PAX8: variants seen among roughly 807,000 people sequenced by gnomAD.
PAX8 encodes paired box 8.
PAX8 carries 15 observed loss-of-function variants against 52.4 expected under a neutral mutation model. The ratio of observed to expected loss-of-function variants is 0.29; its 90% CI spans 0.19 to 0.44. The LOEUF (loss-of-function observed/expected upper bound fraction) is 0.44, where lower values mean the gene tolerates loss of function less well. Among genes scored for constraint, PAX8 ranks in the 20% least tolerant of loss-of-function variants. PAX8 has a pLI of 1.00. For synonymous variants in PAX8, 284 were observed against 249.7 expected (o/e 1.14, Z -1.29); for missense variants, 554 against 602.5 (o/e 0.92, Z 0.84).
chr2:113,235,227 C>A (rs866301416), intron 9 of PAX8, 167 bp downstream of exon 9: 2 of 603,342 alleles, frequency 3.3e-6, no homozygotes, highest in Non-Finnish European at 2.9e-6. Flanking sequence ...ATGTCTTCCC[C>A]GTCACAGAGA....
rs531220895 is a variant in PAX8 at position 113,236,362 on chromosome 2, C to T, written c.898+239G>A. 36 of 308,000 alleles carry T rather than the reference C, an allele frequency of 1.2e-4. 1 individual carries two copies. The highest frequency in any genetic ancestry group is 1.2e-4 in the Admixed American group (2 of 16,390). 19.1% of individuals were successfully genotyped at this position (308,000 alleles called of 1,614,324 possible). A position where few individuals can be genotyped will look rare whatever the true frequency, so the allele number is the denominator to read the frequency against. ...CCCACCTTGAGGCCCGGCCTAGGAC[C>T]GGAGGCGCGACCCCTGGGCCCACCT... is the stretch of plus-strand genomic sequence containing the variant. On this transcript the variant is annotated intron_variant, in intron 8 of 11. Coordinates refer to ENST00000429538, the MANE Select transcript of PAX8 (RefSeq NM_003466.4).
At chr2:113,256,840 T>C (rs1174754090) in intron 2 of PAX8, among the ~76,000 whole-genome samples, 2 of 152,156 alleles carry the variant, frequency 1.3e-5, no homozygotes. Context: ...TTTCTGTCAC[T>C]TCTTTCTGTC....
intron 2 of PAX8, among the ~76,000 whole-genome samples, chr2:113,258,042 C>T (rs765079569): frequency 3.3e-5 from 5 of 152,186 alleles, no homozygotes; most frequent in Middle Eastern, 3.2e-3. Flanking sequence ...CACCCACCTC[C>T]GGCGCCACCC....
At chr2:113,254,264 T>C (rs1028196109) in intron 2 of PAX8, among the ~76,000 whole-genome samples, 3 of 152,270 alleles carry the variant, frequency 2.0e-5, no homozygotes, top group Non-Finnish European at 2.9e-5. Context: ...AATTGATTTC[T>C]ACCTTCATGA....
intron 7 of PAX8, 111 bp downstream of exon 7, chr2:113,241,440 A>G: frequency 9.5e-7 from 1 of 1,047,566 alleles, no homozygotes; most frequent in Non-Finnish European, 1.4e-6. Flanking sequence ...AGGTGCCCTG[A>G]GCCCATTGAT....
intron 2 of PAX8, among the ~76,000 whole-genome samples, chr2:113,257,999 C>T (rs1692381162): frequency 1.3e-5 from 2 of 152,176 alleles, no homozygotes; most frequent in Admixed American, 1.3e-4. Flanking sequence ...TCTCAGATGC[C>T]ATAGTGAATG....
intron 3 of PAX8, among the ~76,000 whole-genome samples, chr2:113,246,439 G>A (rs1363373174): frequency 1.3e-5 from 2 of 152,190 alleles, no homozygotes; most frequent in African/African-American, 4.8e-5. Flanking sequence ...AGGACCTTGG[G>A]GGAAGATTCT....
At chr2:113,254,035 A>C (rs1319020956) in intron 2 of PAX8, among the ~76,000 whole-genome samples, 2 of 152,260 alleles carry the variant, frequency 1.3e-5, no homozygotes, top group African/African-American at 4.8e-5. Flanking sequence ...TTAGGTGTTC[A>C]GTAAACATGT....
At chr2:113,250,023 T>C (rs1465802780) in intron 2 of PAX8, among the ~76,000 whole-genome samples, 1 of 152,012 alleles carries the variant, frequency 6.6e-6, no homozygotes, top group Non-Finnish European at 1.5e-5. Flanking sequence ...ATCCCAGCAC[T>C]TTGGGAGGCC....
chr2:113,231,211 T>C (rs1406063925), intron 9 of PAX8, among the ~76,000 whole-genome samples: 2 of 152,220 alleles, frequency 1.3e-5, no homozygotes, highest in African/African-American at 4.8e-5. Context: ...TATAATTTTG[T>C]ACAAAAGGAT....
At chr2:113,248,485 G>A (rs541559598) in intron 2 of PAX8, among the ~76,000 whole-genome samples, 4 of 152,208 alleles carry the variant, frequency 2.6e-5, no homozygotes, top group South Asian at 2.1e-4. Flanking sequence ...AGAAGGAAGA[G>A]CCAACCCCAG....
intron 6 of PAX8, 119 bp from the exon 7 acceptor site, chr2:113,241,845 G>A (rs1558714040): frequency 2.7e-6 from 4 of 1,455,760 alleles, no homozygotes; most frequent in Admixed American, 1.8e-5. Context: ...GGCCAGCCAC[G>A]TGGGCCCAGG....
chr2:113,274,064 T>C (rs945515669), intron 2 of PAX8: 1 of 152,172 alleles, frequency 6.6e-6, no homozygotes, highest in Non-Finnish European at 1.5e-5. Flanking sequence ...TTTGGGTTAA[T>C]GTGGGAATGC....
chr2:113,223,282 A>G (rs1689367226), intron 10 of PAX8, among the ~76,000 whole-genome samples: 2 of 151,660 alleles, frequency 1.3e-5, no homozygotes, highest in Non-Finnish European at 2.9e-5. Context: ...TGTTTCCTCT[A>G]TTTTCTCATC....
Position 113,235,476 on chromosome 2 carries a change from G to C in PAX8, c.1005C>G (p.Val335=), listed in dbSNP as rs1014916513. Residue 335 remains valine (V), a synonymous_variant, in exon 9 of 12, where the codon GTC becomes GTG. Coordinates refer to ENST00000429538, the MANE Select transcript of PAX8 (RefSeq NM_003466.4). ...CATTGAAGGGCGGGACCCCGGAGCC[G>C]ACTTGCTGCAGATCCAAAAAGGCGG... is the stretch of plus-strand genomic sequence containing the variant. ...SSSAFLDLQQ[V]GSGVPPFNAF... The C allele has an allele frequency of 2.5e-6, 4 of 1,613,504 alleles. No homozygotes were observed. Among genetic ancestry groups the C allele is most frequent in the Middle Eastern group, 1.7e-4 (1 of 6,060 alleles).
intron 10 of PAX8, among the ~76,000 whole-genome samples, chr2:113,223,247 A>C (rs1689364903): frequency 6.6e-6 from 1 of 152,054 alleles, no homozygotes; most frequent in Non-Finnish European, 1.5e-5. Context: ...ACCATCATCC[A>C]TGCCCCAAAC....
At chr2:113,277,675 G>T (rs939790114) in intron 2 of PAX8, among the ~76,000 whole-genome samples, 2 of 152,198 alleles carry the variant, frequency 1.3e-5, no homozygotes, top group Non-Finnish European at 2.9e-5. Flanking sequence ...AGCCCTGGCC[G>T]GGAAGGGGGA....
intron 2 of PAX8, among the ~76,000 whole-genome samples, chr2:113,248,455 A>C (rs927324713): frequency 3.3e-5 from 5 of 152,190 alleles, no homozygotes; most frequent in Admixed American, 1.3e-4. Context: ...GCAGTGTGGG[A>C]GTCAGGGAGC....
At chr2:113,229,446 G>A (rs1460897280) in intron 9 of PAX8, among the ~76,000 whole-genome samples, 1 of 152,246 alleles carries the variant, frequency 6.6e-6, no homozygotes, top group Non-Finnish European at 1.5e-5. Context: ...AGCCATCAGT[G>A]TTCATTGTTT....
Sources: gnomAD v4.1 joint callset for allele counts (sites outside exome capture counted in the v4.1 genomes callset) on GRCh38, gnomAD v4.1.1 for gene constraint, MANE v1.5 for transcripts, NCBI Gene and HGNC (gene_info 2026-07-23, HGNC 2026-07-21) for gene names.